Variants in DNAH5 observed in about 807,000 individuals in gnomAD.
The protein encoded by DNAH5 is dynein axonemal heavy chain 5.
Under a neutral mutation model 518.2 loss-of-function variants are expected in DNAH5, and 372 were observed. The observed-to-expected ratio is 0.72, with a 90% CI of 0.66 to 0.78. The LOEUF (loss-of-function observed/expected upper bound fraction) is 0.78, where lower values mean the gene tolerates loss of function less well. Among genes scored for constraint, DNAH5 ranks in the 30% least tolerant of loss-of-function variants. The probability of loss-of-function intolerance (pLI) is 0.00; values close to 1 mark genes in which losing one functional copy is unlikely to be tolerated. For synonymous variants in DNAH5, 2,039 were observed against 2,025.9 expected (o/e 1.01, Z -0.17); for missense variants, 5,523 against 5,687.0 (o/e 0.97, Z 0.93).
chr5:13,767,455 A>T (rs1752664544), intron 58 of DNAH5, among the ~76,000 whole-genome samples: 1 of 152,230 alleles, frequency 6.6e-6, no homozygotes, highest in South Asian at 2.1e-4. Flanking sequence ...AGCAGTTATG[A>T]AAGCCAGACA....
At chr5:13,953,036 A>G (rs1780533457) in intron 1 of DNAH5, among the ~76,000 whole-genome samples, 1 of 152,244 alleles carries the variant, frequency 6.6e-6, no homozygotes, top group Admixed American at 6.5e-5. Flanking sequence ...TGTTTCCTTC[A>G]AGAGCAAAAT....
intron 26 of DNAH5, 100 bp from the exon 27 acceptor site, chr5:13,866,006 G>A: frequency 1.0e-6 from 1 of 954,778 alleles, no homozygotes; most frequent in Non-Finnish European, 1.7e-6. Context: ...AGAGATGTAT[G>A]ATCTCTGGGC....
intron 30 of DNAH5, among the ~76,000 whole-genome samples, chr5:13,853,781 A>G (rs1381775902): frequency 1.3e-5 from 2 of 151,984 alleles, no homozygotes; most frequent in African/African-American, 4.8e-5. Context: ...CAGAGATTGA[A>G]GATCAATGTA....
At chr5:13,914,925 C>A (rs1469363787) in intron 9 of DNAH5, among the ~76,000 whole-genome samples, 1 of 152,166 alleles carries the variant, frequency 6.6e-6, no homozygotes, top group East Asian at 1.9e-4. Flanking sequence ...GGATTCATTT[C>A]CTTCCCTGAA....
At chr5:13,949,293 T>C (rs1021051705), upstream of DNAH5, among the ~76,000 whole-genome samples, 21 of 152,216 alleles carry the variant, frequency 1.4e-4, no homozygotes, top group African/African-American at 4.8e-4. Flanking sequence ...AAACATCCAG[T>C]ATCTTTTTCT....
At position 13,830,147 on chromosome 5, in the gene DNAH5, G is replaced by T. The variant is rs1172080760; in HGVS notation, c.6128C>A (p.Ser2043Ter). The T allele has an allele frequency of 6.2e-7, 1 of 1,613,894 alleles. No individual in the cohort carries two copies. Among genetic ancestry groups the T allele is most frequent in the East Asian group, 2.2e-5 (1 of 44,870 alleles). ...EFNRIDLPVL[S>*]VAAQQISIIL... is the part of the protein sequence containing the mutation. The stretch of plus-strand genomic sequence containing the variant: ...AATGGAAATTTGCTGGGCTGCAACC[G>T]AGAGAACTGGTAGATCAATACGGTT... Residue 2043 changes from serine to a stop codon, truncating the protein, a stop_gained, in exon 37 of 79, where the codon TCG (serine) becomes TAG (stop). Transcript: ENST00000265104. LOFTEE classifies it high-confidence loss of function.
chr5:13,851,838 G>T (rs927932838), intron 30 of DNAH5, among the ~76,000 whole-genome samples: 1 of 152,020 alleles, frequency 6.6e-6, no homozygotes, highest in Non-Finnish European at 1.5e-5. Context: ...GATCAACACA[G>T]AAGGCAGATT....
chr5:13,931,010 C>G, intron 2 of DNAH5, 100 bp downstream of exon 2: 2 of 1,579,432 alleles, frequency 1.3e-6, no homozygotes, highest in South Asian at 1.1e-5. Flanking sequence ...AAGACAGGCA[C>G]CTCCCTCTGG....
intron 75 of DNAH5, among the ~76,000 whole-genome samples, chr5:13,713,221 C>T (rs1203964749): frequency 6.0e-5 from 7 of 116,360 alleles, no homozygotes; most frequent in Non-Finnish European, 9.0e-5. Flanking sequence ...ATATATATAC[C>T]GACATATATA....
intron 28 of DNAH5, 150 bp downstream of exon 28, chr5:13,864,247 A>T: frequency 1.0e-6 from 1 of 963,830 alleles, no homozygotes; most frequent in Non-Finnish European, 1.6e-6. Flanking sequence ...TAGGCCAAAT[A>T]AGCATTTGTT....
chr5:13,977,023 C>T (rs1581092183), intron 1 of DNAH5, among the ~76,000 whole-genome samples: 1 of 152,124 alleles, frequency 6.6e-6, no homozygotes, highest in South Asian at 2.1e-4. Flanking sequence ...TGTCACTAAA[C>T]TATTTTTAGA....
At chr5:13,702,992 C>G (rs550303753) in intron 76 of DNAH5, among the ~76,000 whole-genome samples, 1 of 152,288 alleles carries the variant, frequency 6.6e-6, no homozygotes, top group South Asian at 2.1e-4. Context: ...CGCAATCCCC[C>G]TCTGTCCTTG....
At chr5:13,977,190 T>C (rs1454158003) in intron 1 of DNAH5, among the ~76,000 whole-genome samples, 4 of 152,198 alleles carry the variant, frequency 2.6e-5, no homozygotes, top group Non-Finnish European at 5.9e-5. Flanking sequence ...AGAGGAGCTG[T>C]AATCAATATT....
At position 13,928,284 on chromosome 5, in the gene DNAH5, T is replaced by C. The variant is rs73061211; in HGVS notation, c.193-106A>G. On this transcript the variant is annotated intron_variant, in intron 2 of 78. Coordinates refer to ENST00000265104, the MANE Select transcript of DNAH5 (RefSeq NM_001369.3). The stretch of plus-strand genomic sequence containing the variant: ...AAGGAAAATTTACTGTCATCTTTCT[T>C]ATTCAAACAGGACTGCATCTAATGT... 5,955 of 778,084 alleles carry C rather than the reference T, an allele frequency of 7.7e-3. 248 individuals are homozygous for C. The African/African-American group carries it at 0.092, about 12-fold the overall frequency. 48.2% of individuals were successfully genotyped at this position (778,084 alleles called of 1,614,324 possible).
intron 30 of DNAH5, among the ~76,000 whole-genome samples, chr5:13,857,136 C>T (rs1767747939): frequency 6.6e-6 from 1 of 152,190 alleles, no homozygotes; most frequent in Admixed American, 6.5e-5. Flanking sequence ...CCCAAAACTC[C>T]TTAAGCTGAT....
intron 78 of DNAH5, among the ~76,000 whole-genome samples, chr5:13,698,864 G>A (rs1741707642): frequency 6.6e-6 from 1 of 152,194 alleles, no homozygotes; most frequent in Non-Finnish European, 1.5e-5. Context: ...GCACATATTT[G>A]TGAATGACCA....
chr5:13,829,425 G>A (rs1250182482), intron 38 of DNAH5, 85 bp downstream of exon 38: 2 of 1,411,076 alleles, frequency 1.4e-6, no homozygotes, highest in Non-Finnish European at 2.0e-6. Flanking sequence ...AACAAGCCCA[G>A]TCTAGAATTT....
intron 78 of DNAH5, 127 bp from the exon 79 acceptor site, chr5:13,692,262 C>T: frequency 9.5e-7 from 1 of 1,054,324 alleles, no homozygotes; most frequent in Non-Finnish European, 1.4e-6. Flanking sequence ...GAATGAGGGA[C>T]ATTCTTTCTG....
intron 41 of DNAH5, among the ~76,000 whole-genome samples, chr5:13,819,458 C>T (rs1313306964): frequency 1.3e-5 from 2 of 152,168 alleles, no homozygotes; most frequent in African/African-American, 2.4e-5. Flanking sequence ...TCAGCAACCA[C>T]CAACAATGTA....
Sources: allele counts gnomAD v4.1 joint callset (sites outside exome capture counted in the v4.1 genomes callset), GRCh38; gene constraint gnomAD v4.1.1; transcripts MANE v1.5; gene names NCBI Gene and HGNC (gene_info 2026-07-23, HGNC 2026-07-21).